LRP1B: variants seen among roughly 807,000 people sequenced by gnomAD.
The protein encoded by LRP1B is low-density lipoprotein receptor-related protein 1B.
A neutral mutation model predicts 556.6 loss-of-function variants in LRP1B; 217 were observed. That is an observed-to-expected ratio of 0.39 (90% CI 0.35 to 0.44). The LOEUF (loss-of-function observed/expected upper bound fraction) is 0.44, where lower values mean the gene tolerates loss of function less well. Ranked by LOEUF, LRP1B falls within the 20% of genes least tolerant of loss-of-function variation. The pLI, the probability that LRP1B is intolerant of heterozygous loss-of-function variation, is 1.00. For missense variants in LRP1B, 5,053 were observed against 5,620.8 expected, an observed-to-expected ratio of 0.90 and a Z score of 3.23; for synonymous variants, 2,047 against 1,865.8, an observed-to-expected ratio of 1.10 and a Z score of -2.50.
At position 140,676,951 on chromosome 2, in the gene LRP1B, C is replaced by T. The variant is rs554393650; in HGVS notation, c.6799+23299G>A. Among the ~76,000 whole-genome samples, 7 of 152,268 alleles carry T rather than the reference C, an allele frequency of 4.6e-5. 1 individual carries two copies. In the South Asian group the frequency reaches 8.3e-4, roughly 18 times the overall value. ...GTTTTTCAAAACATGTTTTTCATAT[C>T]AAAATATCAATGTGCCAAAAACAAA... On this transcript the variant is annotated intron_variant, in intron 41 of 90. Coordinates refer to ENST00000389484, the MANE Select transcript of LRP1B (RefSeq NM_018557.3).
intron 84 of LRP1B, among the ~76,000 whole-genome samples, chr2:140,295,940 G>A (rs1484286895): frequency 2.0e-5 from 3 of 152,038 alleles, no homozygotes; most frequent in Non-Finnish European, 4.4e-5. Flanking sequence ...GTGGTGAGAA[G>A]TATTCAGATG....
chr2:140,915,424 G>A (rs1694545419), intron 21 of LRP1B, among the ~76,000 whole-genome samples: 1 of 151,886 alleles, frequency 6.6e-6, no homozygotes, highest in South Asian at 2.1e-4. Flanking sequence ...CGAGGTGGGT[G>A]AATCACTTGA....
intron 66 of LRP1B, among the ~76,000 whole-genome samples, chr2:140,415,168 C>T (rs1685135673): frequency 6.6e-6 from 1 of 152,134 alleles, no homozygotes; most frequent in Non-Finnish European, 1.5e-5. Flanking sequence ...CTCGTGAAGG[C>T]TGTTTTCTGT....
At chr2:140,669,846 T>A (rs1326998225) in intron 41 of LRP1B, among the ~76,000 whole-genome samples, 1 of 151,946 alleles carries the variant, frequency 6.6e-6, no homozygotes, top group East Asian at 1.9e-4. Flanking sequence ...CACATAGTGA[T>A]AATCGCACAC....
chr2:140,533,562 A>T (rs1333635961), intron 47 of LRP1B, among the ~76,000 whole-genome samples: 1 of 152,170 alleles, frequency 6.6e-6, no homozygotes, highest in Non-Finnish European at 1.5e-5. Context: ...CTTAAAGTGG[A>T]TTGAAATGGA....
intron 2 of LRP1B, among the ~76,000 whole-genome samples, chr2:141,739,608 C>A (rs117498986): frequency 6.6e-6 from 1 of 151,402 alleles, no homozygotes; most frequent in South Asian, 2.1e-4. Flanking sequence ...TCTTCACTTG[C>A]GAAGTTGTTT....
chr2:140,814,214 G>A (rs1298154221), intron 31 of LRP1B, among the ~76,000 whole-genome samples: 1 of 152,090 alleles, frequency 6.6e-6, no homozygotes, highest in Non-Finnish European at 1.5e-5. Context: ...CTGGGCTCAA[G>A]CGATCCTGTC....
At chr2:141,183,166 C>T (rs1681082492) in intron 7 of LRP1B, among the ~76,000 whole-genome samples, 1 of 151,982 alleles carries the variant, frequency 6.6e-6, no homozygotes, top group African/African-American at 2.4e-5. Context: ...AACATTTTCA[C>T]TTATGTCCTA....
intron 2 of LRP1B, among the ~76,000 whole-genome samples, chr2:141,759,636 T>C (rs954279750): frequency 1.3e-5 from 2 of 152,198 alleles, no homozygotes; most frequent in African/African-American, 4.8e-5. Context: ...GTCTTAGACG[T>C]ACCATGGGAA....
chr2:141,126,447 C>A (rs1701214571), intron 7 of LRP1B, among the ~76,000 whole-genome samples: 1 of 152,174 alleles, frequency 6.6e-6, no homozygotes, highest in African/African-American at 2.4e-5. Flanking sequence ...CTTCCCTTGT[C>A]TGGAAAATTC....
intron 3 of LRP1B, among the ~76,000 whole-genome samples, chr2:141,381,999 G>A (rs1689659913): frequency 6.6e-6 from 1 of 151,694 alleles, no homozygotes; most frequent in African/African-American, 2.4e-5. Context: ...CAGACACACA[G>A]TTAGTAAACA....
chr2:141,160,097 C>T (rs1331725217), intron 7 of LRP1B, among the ~76,000 whole-genome samples: 1 of 151,302 alleles, frequency 6.6e-6, no homozygotes, highest in African/African-American at 2.4e-5. Context: ...CACATGTATC[C>T]CATTTCTTAT....
chr2:141,738,214 A>C (rs972642771), intron 2 of LRP1B, among the ~76,000 whole-genome samples: 1 of 152,164 alleles, frequency 6.6e-6, no homozygotes, highest in Non-Finnish European at 1.5e-5. Flanking sequence ...TTAAAGAAAA[A>C]AATTACATCA....
chr2:140,990,493 A>G (rs1270916377), intron 16 of LRP1B, among the ~76,000 whole-genome samples: 1 of 152,058 alleles, frequency 6.6e-6, no homozygotes, highest in Non-Finnish European at 1.5e-5. Context: ...GAAAATGAAA[A>G]CACAGAAAAG....
In LRP1B at chr2:141,058,943, A is replaced by G. The variant is rs1699261396; in HGVS notation, c.1348T>C (p.Leu450=). The change falls in exon 9 of 91, where the codon TTA becomes CTA. Residue 450 remains leucine (L), a synonymous_variant. Coordinates refer to ENST00000389484, the MANE Select transcript of LRP1B (RefSeq NM_018557.3). ...NRFNGTDIHS[L]IKIENAWGIR... ...CCCCAAGCATTCTCAATTTTAATTA[A>G]TGAGTGAATATCAGTCCCATTAAAT... The G allele has an allele frequency of 6.3e-7, 1 of 1,599,958 alleles. No individual in the cohort carries two copies. Among genetic ancestry groups the G allele is most frequent in the Admixed American group, 1.7e-5 (1 of 57,740 alleles).
chr2:141,697,186 G>A (rs1379235150), intron 2 of LRP1B, among the ~76,000 whole-genome samples: 15 of 151,754 alleles, frequency 9.9e-5, no homozygotes, highest in African/African-American at 3.1e-4. Flanking sequence ...TAAAACAGCC[G>A]TTTCTTCTCT....
chr2:142,060,858 G>C (rs562590850), intron 1 of LRP1B, among the ~76,000 whole-genome samples: 1 of 152,110 alleles, frequency 6.6e-6, no homozygotes, highest in Non-Finnish European at 1.5e-5. Context: ...TGAGCACCAA[G>C]TTGGATGCTC....
At position 140,851,639 on chromosome 2, in the gene LRP1B, G is replaced by A. The variant is rs770831663; in HGVS notation, c.4711+13C>T. The A allele has an allele frequency of 1.2e-6, 2 of 1,604,480 alleles. No individual in the cohort carries two copies. On this transcript the variant is annotated intron_variant, in intron 28 of 90. Transcript: ENST00000389484. Reference sequence around the variant, plus strand: ...TTTGTTTTTATTTTCGATTAGAACTGTAAGAAATTTACCATAGCAGGTCTT... The same window carrying A: ...TTTGTTTTTATTTTCGATTAGAACTATAAGAAATTTACCATAGCAGGTCTT...
chr2:140,565,997 A>G (rs574970551), intron 43 of LRP1B, among the ~76,000 whole-genome samples: 1 of 152,282 alleles, frequency 6.6e-6, no homozygotes, highest in East Asian at 1.9e-4. Context: ...TGCTTCCCCC[A>G]GAGAAGGAGT....
Sources: gnomAD v4.1 joint callset for allele counts (sites outside exome capture counted in the v4.1 genomes callset) on GRCh38, gnomAD v4.1.1 for gene constraint, MANE v1.5 for transcripts, NCBI Gene and HGNC (gene_info 2026-07-23, HGNC 2026-07-21) for gene names.